Variants in GRIN3A observed in about 807,000 individuals in gnomAD.
The protein encoded by GRIN3A is glutamate receptor ionotropic, NMDA 3A.
In GRIN3A, 47 loss-of-function variants were observed where a neutral mutation model predicts 92.4. That is an observed-to-expected ratio of 0.51 (90% CI 0.40 to 0.65). GRIN3A has a LOEUF of 0.65. GRIN3A is among the 30% of genes least tolerant of loss of function. The probability of loss-of-function intolerance (pLI) is 0.00; values close to 1 mark genes in which losing one functional copy is unlikely to be tolerated. For missense variants in GRIN3A, 1,324 were observed against 1,393.1 expected (o/e 0.95, Z 0.79); for synonymous variants, 527 against 540.6 (o/e 0.97, Z 0.35).
chr9:101,691,828 A>T (rs1229246445), intron 1 of GRIN3A, among the ~76,000 whole-genome samples: 1 of 152,120 alleles, frequency 6.6e-6, no homozygotes, highest in Non-Finnish European at 1.5e-5. Context: ...AGTCAGGGCA[A>T]CCTATGCTTA....
In GRIN3A at chr9:101,730,295, A is replaced by C. The variant is rs183728407; in HGVS notation, c.699+6986T>G. 6.6e-5 allele frequency among the ~76,000 whole-genome samples: 10 copies of C among 152,292 alleles called. No homozygotes were observed. The East Asian group carries it at 1.9e-3, about 29-fold the overall frequency. On this transcript the variant is annotated intron_variant, in intron 1 of 8. Transcript: ENST00000361820. ...GCTGGAGCTGGAAGTCCTAAGCCTG[A>C]ATATTATAGACACATTGCGAATGCA...
chr9:101,625,063 T>C (rs1405820292), intron 4 of GRIN3A, among the ~76,000 whole-genome samples: 2 of 152,162 alleles, frequency 1.3e-5, no homozygotes, highest in Non-Finnish European at 2.9e-5. Context: ...TGCACTATAT[T>C]ATCTCCCCAG....
rs1487928570 is a variant in GRIN3A, at chr9:101,649,841, A to AAAATG, written c.2352+20214_2352+20218dup. Reference sequence around the variant, plus strand: ...ATGTCTTTTATTGACTGCAGTCTAGAAAATGTACGACCCTTGTCTCTGGAA... The same window carrying AAAATG: ...ATGTCTTTTATTGACTGCAGTCTAGAAAATGAAATGTACGACCCTTGTCTCTGGAA... On this transcript the variant is annotated intron_variant, in intron 3 of 8. Coordinates refer to ENST00000361820, the MANE Select transcript of GRIN3A (RefSeq NM_133445.3). 2.2e-4 allele frequency among the ~76,000 whole-genome samples: 33 copies of AAAATG among 152,136 alleles called. 2 individuals carry two copies. The South Asian group carries it at 4.8e-3, about 22-fold the overall frequency.
chr9:101,692,724 C>T (rs956846888), intron 1 of GRIN3A, among the ~76,000 whole-genome samples: 1 of 152,320 alleles, frequency 6.6e-6, no homozygotes, highest in African/African-American at 2.4e-5. Flanking sequence ...CGCTTCTCCT[C>T]AGCCAAAGAG....
chr9:101,693,727 C>T (rs35230964), intron 1 of GRIN3A, among the ~76,000 whole-genome samples: 19,881 of 152,070 alleles, frequency 0.13, 1,586 homozygotes, highest in Admixed American at 0.19. Flanking sequence ...CTGTTTTCTT[C>T]GCTCATCCTC....
intron 6 of GRIN3A, among the ~76,000 whole-genome samples, chr9:101,610,453 G>A (rs1828346234): frequency 6.6e-6 from 1 of 152,122 alleles, no homozygotes; most frequent in Non-Finnish European, 1.5e-5. Context: ...ACTAAATATA[G>A]GTTAACTTCT....
Position 101,686,795 on chromosome 9 carries a change from C to T in GRIN3A, c.1105G>A (p.Gly369Ser), listed in dbSNP as rs1441900422. The part of the protein sequence containing the change: ...SQNVEELRTE[G>S]LPLGLIAHGK... ...TGAGCAATGAGCCCTAAGGGCAGAC[C>T]CTCTGTCCTCAGTTCCTCCACATTC... The change falls in exon 2 of 9, where the codon GGT (glycine) becomes AGT (serine). Residue 369 changes from glycine (G) to serine (S), a missense_variant. Coordinates refer to ENST00000361820, the MANE Select transcript of GRIN3A (RefSeq NM_133445.3). 1.2e-6 allele frequency: 2 copies of T among 1,614,068 alleles called. No individual in the cohort carries two copies. The highest frequency in any genetic ancestry group is 1.6e-4 in the Middle Eastern group (1 of 6,062).
chr9:101,659,861 G>A (rs1162963032), intron 3 of GRIN3A, among the ~76,000 whole-genome samples: 1 of 151,808 alleles, frequency 6.6e-6, no homozygotes, highest in Non-Finnish European at 1.5e-5. Context: ...TAAAAGTTCT[G>A]TAAAGATGCC....
chr9:101,670,891 G>T lies in GRIN3A; in HGVS notation c.1521C>A (p.Phe507Leu). Residue 507 changes from phenylalanine (F) to leucine (L), a missense_variant, in exon 3 of 9, where the codon TTC becomes TTA. Transcript: ENST00000361820. ...TCAAGTGTAGCTTACTTGGATGTTG[G>T]AAGTGGGTTTTGTGTCTCTGGGCCT... Reference protein sequence around the residue: ...PEQAQRHKTHFQHPSKLHLRV... With the variant: ...PEQAQRHKTHLQHPSKLHLRV... 6.2e-7 allele frequency: 1 copy of T among 1,612,196 alleles called. No homozygotes were observed. The highest frequency in any genetic ancestry group is 8.5e-7 in the Non-Finnish European group (1 of 1,178,600).
intron 1 of GRIN3A, among the ~76,000 whole-genome samples, chr9:101,688,201 C>T (rs540274106): frequency 6.6e-6 from 1 of 152,138 alleles, no homozygotes; most frequent in African/African-American, 2.4e-5. Flanking sequence ...AATCTCAAGC[C>T]CTTGTATGAA....
At chr9:101,716,909 TGTGA>T (rs1208882733) in intron 1 of GRIN3A, among the ~76,000 whole-genome samples, 3 of 152,240 alleles carry the variant, frequency 2.0e-5, no homozygotes, top group Non-Finnish European at 4.4e-5. Context: ...CAATGTTCCC[TGTGA>T]GTAACAGCTG....
intron 6 of GRIN3A, among the ~76,000 whole-genome samples, chr9:101,590,768 T>C (rs1209716774): frequency 6.6e-6 from 1 of 152,162 alleles, no homozygotes; most frequent in East Asian, 1.9e-4. Context: ...ACCTACTCTA[T>C]CTCTTAACAG....
rs551328665 is a variant in GRIN3A at position 101,620,313 on chromosome 9, G to A, written c.2614+3005C>T. On this transcript the variant is annotated intron_variant, in intron 5 of 8. Transcript: ENST00000361820. ...ATGCTGAAAAGGGTGAATGAGCTTCGTTGAGCCTATTTCGTAGGGGCACTA... is the reference window on the plus strand; with the variant it reads ...ATGCTGAAAAGGGTGAATGAGCTTCATTGAGCCTATTTCGTAGGGGCACTA... 6.6e-5 allele frequency among the ~76,000 whole-genome samples: 10 copies of A among 152,242 alleles called. No homozygotes were observed. The South Asian group carries it at 1.7e-3, about 25-fold the overall frequency.
At chr9:101,625,039 A>G (rs1168213239) in intron 4 of GRIN3A, among the ~76,000 whole-genome samples, 1 of 152,162 alleles carries the variant, frequency 6.6e-6, no homozygotes, top group Non-Finnish European at 1.5e-5. Flanking sequence ...AAGACCAGAA[A>G]AGCAACCATT....
At chr9:101,705,586 T>C (rs1430234511) in intron 1 of GRIN3A, among the ~76,000 whole-genome samples, 1 of 152,130 alleles carries the variant, frequency 6.6e-6, no homozygotes, top group African/African-American at 2.4e-5. Context: ...ACACGCTCAC[T>C]TGGGTTCCGG....
At chr9:101,662,713 T>C (rs539230888) in intron 3 of GRIN3A, among the ~76,000 whole-genome samples, 1 of 151,924 alleles carries the variant, frequency 6.6e-6, no homozygotes, top group Non-Finnish European at 1.5e-5. Flanking sequence ...TCAAGGAATT[T>C]TGACATCTTT....
chr9:101,720,126 T>C (rs1829993871), intron 1 of GRIN3A, among the ~76,000 whole-genome samples: 1 of 152,224 alleles, frequency 6.6e-6, no homozygotes, highest in African/African-American at 2.4e-5. Context: ...TTGACTGTGT[T>C]GGTCCATTGC....
At chr9:101,626,321 T>C (rs975675692) in intron 4 of GRIN3A, among the ~76,000 whole-genome samples, 1 of 152,156 alleles carries the variant, frequency 6.6e-6, no homozygotes, top group African/African-American at 2.4e-5. Flanking sequence ...AGCAGGGCCC[T>C]GAGAGAGCAG....
Position 101,670,630 on chromosome 9 carries a change from G to A in GRIN3A, c.1782C>T (p.Asp594=). Residue 594 remains aspartate, a synonymous_variant, in exon 3 of 9, where the codon GAC becomes GAT. Transcript: ENST00000361820. ...LEKIAEDMNF[D]FDLYIVGDGK... is the part of the protein sequence containing the mutation. ...CATCCCCTACAATATAGAGGTCGAA[G>A]TCAAAGTTCATGTCTTCTGCTATCT... The A allele has an allele frequency of 6.2e-7, 1 of 1,614,068 alleles. No individual in the cohort carries two copies. The highest frequency in any genetic ancestry group is 8.5e-7 in the Non-Finnish European group (1 of 1,179,962).
Sources: gnomAD v4.1 joint callset for allele counts (sites outside exome capture counted in the v4.1 genomes callset) on GRCh38, gnomAD v4.1.1 for gene constraint, MANE v1.5 for transcripts, NCBI Gene and HGNC (gene_info 2026-07-23, HGNC 2026-07-21) for gene names.